The following NT5DC3 variants were observed in gnomAD, a reference collection of about 807,000 sequenced individuals.
NT5DC3 encodes 5'-nucleotidase domain-containing protein 3.
A neutral mutation model predicts 67.8 loss-of-function variants in NT5DC3; 42 were observed. The observed-to-expected ratio is 0.62, with a 90% confidence interval of 0.48 to 0.80. NT5DC3 has a LOEUF of 0.80. NT5DC3 is among the 30% of genes least tolerant of loss of function. The probability of loss-of-function intolerance (pLI) is 0.00; values close to 1 mark genes in which losing one functional copy is unlikely to be tolerated. For synonymous variants in NT5DC3, 237 were observed against 255.6 expected (o/e 0.93, Z 0.69); for missense variants, 570 against 696.4 (o/e 0.82, Z 2.04).
At chr12:103,785,540 T>C in intron 11 of NT5DC3, 65 bp from the exon 12 acceptor site, 7 of 1,541,466 alleles carry the variant, frequency 4.5e-6, no homozygotes, top group Non-Finnish European at 6.3e-6. Context: ...GTCATTATTT[T>C]CCCAGACATG....
the NT5DC3 span, chr12:103,750,624 C>T: frequency 6.2e-7 from 1 of 1,614,238 alleles, no homozygotes; most frequent in African/African-American, 1.3e-5. Flanking sequence ...CGGAGATGGG[C>T]TGAACTGTGA....
intron 1 of NT5DC3, among the ~76,000 whole-genome samples, chr12:103,833,205 G>A (rs57310878): frequency 0.025 from 3,732 of 152,246 alleles, 115 homozygotes; most frequent in African/African-American, 0.07. Flanking sequence ...ATTCATTTTA[G>A]AGATTCATTC....
chr12:103,793,179 A>C lies in NT5DC3; in HGVS notation c.1004T>G (p.Phe335Cys). The change falls in exon 9 of 14, where the codon TTT (phenylalanine) becomes TGT (cysteine). Residue 335 changes from phenylalanine (F) to cysteine (C), a missense_variant. Phe to Cys is a radical substitution (Grantham distance 205). This residue lies in a region of NT5DC3 where 466 missense variants were observed against 608.0 expected (regional missense o/e 0.77). Coordinates refer to ENST00000392876, the MANE Select transcript of NT5DC3 (RefSeq NM_001031701.3). ...AAACACTCACCTCCGCTTATCATTAAAGAAGTTTGGCTTCTCAGCCTGAAC... is the reference window on the plus strand; with the variant it reads ...AAACACTCACCTCCGCTTATCATTACAGAAGTTTGGCTTCTCAGCCTGAAC... ...VIVQAEKPNF[F>C]NDKRRPFRKM... 6.2e-7 allele frequency: 1 copy of C among 1,602,852 alleles called. No individual in the cohort carries two copies. The highest frequency in any genetic ancestry group is 8.5e-7 in the Non-Finnish European group (1 of 1,176,216).
the NT5DC3 span, chr12:103,755,673 G>A: frequency 6.2e-7 from 1 of 1,614,174 alleles, no homozygotes; most frequent in Non-Finnish European, 8.5e-7. Flanking sequence ...GTGGGAACCT[G>A]CTGCAGGTCC....
At chr12:103,829,917 T>C (rs1039491576) in intron 1 of NT5DC3, among the ~76,000 whole-genome samples, 30 of 152,168 alleles carry the variant, frequency 2.0e-4, no homozygotes, top group African/African-American at 7.2e-4. Context: ...ACACTCTTTC[T>C]TAAATGATTG....
the NT5DC3 span, chr12:103,763,456 G>A: frequency 4.4e-6 from 7 of 1,598,770 alleles, no homozygotes; most frequent in Non-Finnish European, 6.0e-6. Flanking sequence ...CTGCTTTGGG[G>A]ATGCTCCTGG....
chr12:103,800,485 A>G (rs12423994), intron 4 of NT5DC3, among the ~76,000 whole-genome samples: 14,497 of 152,306 alleles, frequency 0.095, 973 homozygotes, highest in East Asian at 0.3. Context: ...CAGCCGGGTC[A>G]GAGTTATTTC....
intron 1 of NT5DC3, chr12:103,821,846 T>C (rs1215261963): frequency 1.3e-5 from 2 of 152,238 alleles, no homozygotes; most frequent in Non-Finnish European, 1.5e-5. Context: ...CTCCTTCCCA[T>C]GCCCTACTTT....
chr12:103,748,016 GGAA>G, the NT5DC3 span, among the ~76,000 whole-genome samples: 18 of 148,376 alleles, frequency 1.2e-4, no homozygotes, highest in Middle Eastern at 3.5e-3. Flanking sequence ...AAAAAAAAAG[GGAA>G]GAAGAAGAAG....
At chr12:103,789,942 T>C (rs1232296366) in intron 9 of NT5DC3, among the ~76,000 whole-genome samples, 1 of 152,264 alleles carries the variant, frequency 6.6e-6, no homozygotes, top group Non-Finnish European at 1.5e-5. Flanking sequence ...AGTCTTTTTA[T>C]GAAATTTATC....
At chr12:103,813,330 T>C (rs1194457768) in intron 2 of NT5DC3, among the ~76,000 whole-genome samples, 2 of 152,130 alleles carry the variant, frequency 1.3e-5, no homozygotes, top group Non-Finnish European at 2.9e-5. Context: ...TGGAAGAGAG[T>C]AGTCCCTTGA....
At chr12:103,834,410 T>A (rs886255052) in intron 1 of NT5DC3, among the ~76,000 whole-genome samples, 28 of 152,186 alleles carry the variant, frequency 1.8e-4, no homozygotes, top group Non-Finnish European at 4.0e-4. Context: ...AAACTGTAGG[T>A]CATCAAAAAC....
chr12:103,797,295 C>A (rs1886360976), intron 5 of NT5DC3, among the ~76,000 whole-genome samples: 1 of 151,982 alleles, frequency 6.6e-6, no homozygotes, highest in African/African-American at 2.4e-5. Flanking sequence ...CATCGTGAAA[C>A]CCCGTCTCTA....
At chr12:103,787,415 C>CA in intron 11 of NT5DC3, 26 bp downstream of exon 11, 2 of 1,301,892 alleles carry the variant, frequency 1.5e-6, no homozygotes, top group Non-Finnish European at 2.1e-6. Flanking sequence ...ATCTGTCCCC[C>CA]AACAAAGGAA....
the NT5DC3 span, among the ~76,000 whole-genome samples, chr12:103,748,605 TACACACACACACACACACACACACAC>T: frequency 0.058 from 8,295 of 141,830 alleles, 262 homozygotes; most frequent in Non-Finnish European, 0.068. Context: ...CACACACACA[TACACACACACACACACACACACACAC>T]ACACACACAC....
intron 1 of NT5DC3, 125 bp downstream of exon 1, chr12:103,840,824 G>C: frequency 2.5e-6 from 1 of 401,674 alleles, no homozygotes; most frequent in Non-Finnish European, 4.3e-6. Flanking sequence ...TGTGGGCACC[G>C]GGGTTCGCGA....
chr12:103,820,352 T>C (rs546703739), intron 1 of NT5DC3, among the ~76,000 whole-genome samples: 392 of 152,342 alleles, frequency 2.6e-3, no homozygotes, highest in Non-Finnish European at 3.2e-3. Context: ...CCATTTTGTT[T>C]TGCTTTTTTA....
chr12:103,819,564 G>C (rs1288471979), intron 1 of NT5DC3: 1 of 152,248 alleles, frequency 6.6e-6, no homozygotes, highest in Non-Finnish European at 1.5e-5. Context: ...GCAAAACTCA[G>C]TTCCAATGCA....
At chr12:103,785,046 A>G (rs1885706734) in intron 12 of NT5DC3, among the ~76,000 whole-genome samples, 1 of 152,178 alleles carries the variant, frequency 6.6e-6, no homozygotes, top group Non-Finnish European at 1.5e-5. Flanking sequence ...AGACTCAAGC[A>G]CTGGCAGGGC....
Sources: allele counts gnomAD v4.1 joint callset (sites outside exome capture counted in the v4.1 genomes callset), GRCh38; gene constraint gnomAD v4.1.1; regional missense constraint gnomAD v4.1.1; transcripts MANE v1.5; gene names NCBI Gene and HGNC (gene_info 2026-07-23, HGNC 2026-07-21).